IGSF11: variants seen among roughly 807,000 people sequenced by gnomAD.
The protein encoded by IGSF11 is immunoglobulin superfamily member 11.
In IGSF11, 22 loss-of-function variants were observed where a neutral mutation model predicts 41.0. That is an observed-to-expected ratio of 0.54 (90% CI 0.38 to 0.77). The LOEUF (loss-of-function observed/expected upper bound fraction) is 0.77. Among genes scored for constraint, IGSF11 ranks in the 30% least tolerant of loss-of-function variants. The pLI is 0.00. For missense variants in IGSF11, 444 were observed against 530.8 expected (o/e 0.84, Z 1.61); for synonymous variants, 219 against 201.3 (o/e 1.09, Z -0.74).
At chr3:118,957,994 A>G (rs1945080650) in intron 1 of IGSF11, among the ~76,000 whole-genome samples, 1 of 152,242 alleles carries the variant, frequency 6.6e-6, no homozygotes, top group Non-Finnish European at 1.5e-5. Flanking sequence ...TAGTTTTACA[A>G]TAGCTGAAAA....
intron 6 of IGSF11, among the ~76,000 whole-genome samples, chr3:118,903,685 C>A (rs1481023579): frequency 6.6e-6 from 1 of 152,150 alleles, no homozygotes; most frequent in East Asian, 1.9e-4. Context: ...CTAACCAATT[C>A]ATTTAACATT....
intron 1 of IGSF11, among the ~76,000 whole-genome samples, chr3:119,058,921 C>A (rs543576684): frequency 6.7e-6 from 1 of 149,352 alleles, no homozygotes; most frequent in South Asian, 2.1e-4. Context: ...GGGAATTGAA[C>A]AATGAGAACA....
chr3:118,928,755 T>C lies in IGSF11; in HGVS notation c.217-39A>G, dbSNP rs1942591533. 9 of 1,439,104 alleles carry C rather than the reference T, an allele frequency of 6.3e-6. No individual in the cohort carries two copies. The East Asian group carries it at 1.9e-4, about 30-fold the overall frequency. 89.1% of individuals were successfully genotyped at this position (1,439,104 alleles called of 1,614,324 possible). ...CAAAATAAATAAACTGGCCACTCTA[T>C]CCTCTCCTAGACACAAAACAATAAC... On this transcript the variant is annotated intron_variant, in intron 2 of 6. Transcript: ENST00000393775.
In IGSF11 at chr3:118,995,177, G is replaced by C. The variant is rs560488750; in HGVS notation, c.52+39354C>G. Among the ~76,000 whole-genome samples, 6 of 152,298 alleles carry C rather than the reference G, an allele frequency of 3.9e-5. No homozygotes were observed. The East Asian group carries it at 7.7e-4, about 20-fold the overall frequency. On this transcript the variant is annotated intron_variant, in intron 1 of 6. Transcript: ENST00000393775. Reference sequence around the variant, plus strand: ...GATTTATTTTAGAAATATCACCCTAGCCAATCATTTGCAGAATGACGATTC... The same window carrying C: ...GATTTATTTTAGAAATATCACCCTACCCAATCATTTGCAGAATGACGATTC...
intron 1 of IGSF11, among the ~76,000 whole-genome samples, chr3:118,982,267 G>C (rs1313523446): frequency 6.6e-6 from 1 of 152,186 alleles, no homozygotes; most frequent in African/African-American, 2.4e-5. Context: ...CAACTCTCCA[G>C]AGAGAGACCA....
At chr3:119,054,343 G>A (rs251446) in intron 1 of IGSF11, among the ~76,000 whole-genome samples, 134,018 of 152,144 alleles carry the variant, frequency 0.88, 59,365 homozygotes, top group East Asian at 1. Context: ...GCAAGAAAAA[G>A]ACAATAATCC....
intron 1 of IGSF11, among the ~76,000 whole-genome samples, chr3:119,111,914 T>C (rs1053452327): frequency 3.3e-5 from 5 of 152,224 alleles, no homozygotes; most frequent in African/African-American, 1.2e-4. Context: ...CGGATTTTCG[T>C]GAACCACGAA....
chr3:118,979,444 C>T (rs999006896), intron 1 of IGSF11, among the ~76,000 whole-genome samples: 1 of 152,012 alleles, frequency 6.6e-6, no homozygotes, highest in Admixed American at 6.5e-5. Flanking sequence ...CAATATACCT[C>T]GTTAATACAT....
intron 1 of IGSF11, among the ~76,000 whole-genome samples, chr3:119,145,607 T>C (rs2107554237): frequency 6.6e-6 from 1 of 152,288 alleles, no homozygotes; most frequent in East Asian, 1.9e-4. Context: ...CTCTCCTCTC[T>C]CTGGCTCTCC....
intron 1 of IGSF11, among the ~76,000 whole-genome samples, chr3:118,980,161 T>A (rs1934565128): frequency 6.6e-6 from 1 of 152,070 alleles, no homozygotes. Context: ...AATCCAGCAA[T>A]CCCACTACCA....
intron 1 of IGSF11, among the ~76,000 whole-genome samples, chr3:119,079,185 C>T (rs143167740): frequency 0.12 from 18,541 of 151,952 alleles, 1,727 homozygotes; most frequent in South Asian, 0.27. Context: ...TGGTGAAATC[C>T]TGTCTCTACT....
At chr3:118,903,009 T>G (rs748150925) in intron 6 of IGSF11, 48 bp from the exon 7 acceptor site, 1 of 1,516,156 alleles carries the variant, frequency 6.6e-7, no homozygotes, top group African/African-American at 1.4e-5. Context: ...TTCAAGTTAA[T>G]CCTATCCTCC....
At chr3:119,054,420 A>C (rs1370323138) in intron 1 of IGSF11, among the ~76,000 whole-genome samples, 1 of 152,236 alleles carries the variant, frequency 6.6e-6, no homozygotes, top group African/African-American at 2.4e-5. Context: ...TGGTCACCAA[A>C]CATGTGAAAA....
chr3:118,915,236 A>G (rs542002796), intron 4 of IGSF11, among the ~76,000 whole-genome samples: 1 of 141,410 alleles, frequency 7.1e-6, no homozygotes, highest in East Asian at 2.0e-4. Context: ...CTCACCAGCA[A>G]TGGAACAAAG....
chr3:119,127,162 T>A (rs1221879504), intron 1 of IGSF11, among the ~76,000 whole-genome samples: 1 of 152,046 alleles, frequency 6.6e-6, no homozygotes, highest in African/African-American at 2.4e-5. Context: ...CTAACTAGAA[T>A]AGCCAGTTTA....
chr3:119,045,077 C>T (rs979661429), intron 1 of IGSF11, among the ~76,000 whole-genome samples: 3 of 152,208 alleles, frequency 2.0e-5, no homozygotes, highest in Admixed American at 1.3e-4. Flanking sequence ...ATGTAAATGG[C>T]CTAAATGCTC....
chr3:119,106,023 T>C (rs1052046553), upstream of IGSF11, among the ~76,000 whole-genome samples: 4 of 152,166 alleles, frequency 2.6e-5, no homozygotes, highest in African/African-American at 7.2e-5. Flanking sequence ...AAAACATATA[T>C]AGAGCAAAGG....
At chr3:119,099,564 T>G (rs939892195) in intron 1 of IGSF11, among the ~76,000 whole-genome samples, 1 of 152,158 alleles carries the variant, frequency 6.6e-6, no homozygotes, top group Non-Finnish European at 1.5e-5. Flanking sequence ...TTACTTCACA[T>G]AGATGGAAAA....
intron 1 of IGSF11, among the ~76,000 whole-genome samples, chr3:119,073,349 G>C (rs908244817): frequency 6.6e-6 from 1 of 152,190 alleles, no homozygotes; most frequent in East Asian, 1.9e-4. Context: ...AGTGGATCCC[G>C]CGCCAGGGCC....
Sources: allele counts gnomAD v4.1 joint callset (sites outside exome capture counted in the v4.1 genomes callset), GRCh38; gene constraint gnomAD v4.1.1; transcripts MANE v1.5; gene names NCBI Gene and HGNC (gene_info 2026-07-23, HGNC 2026-07-21).